The following NDUFA10 variants were observed in gnomAD, a reference collection of about 807,000 sequenced individuals.
The protein encoded by NDUFA10 is NADH:ubiquinone oxidoreductase subunit A10, also known as NADH dehydrogenase [ubiquinone] 1 alpha subcomplex subunit 10, mitochondrial.
A neutral mutation model predicts 47.8 loss-of-function variants in NDUFA10; 40 were observed. The ratio of observed to expected loss-of-function variants is 0.84; its 90% CI spans 0.65 to 1.09. NDUFA10 has a LOEUF of 1.09. Among genes scored for constraint, NDUFA10 ranks in the 50% least tolerant of loss-of-function variants. The pLI, the probability that NDUFA10 is intolerant of heterozygous loss-of-function variation, is 0.00. For missense variants in NDUFA10, 413 were observed against 451.1 expected (o/e 0.92, Z 0.76); for synonymous variants, 183 against 172.2 (o/e 1.06, Z -0.49).
At chr2:239,942,324 G>A (rs1694372784) in intron 4 of NDUFA10, among the ~76,000 whole-genome samples, 1 of 152,220 alleles carries the variant, frequency 6.6e-6, no homozygotes, top group African/African-American at 2.4e-5. Flanking sequence ...GAGCCAGCAG[G>A]CCTGGGTGCA....
chr2:239,970,336 T>A (rs1695258805), intron 9 of NDUFA10, among the ~76,000 whole-genome samples: 1 of 152,184 alleles, frequency 6.6e-6, no homozygotes, highest in Non-Finnish European at 1.5e-5. Flanking sequence ...GAACTATATA[T>A]TTTCAGAAAA....
At chr2:239,919,694 A>G (rs997784327) in intron 4 of NDUFA10, among the ~76,000 whole-genome samples, 5 of 152,234 alleles carry the variant, frequency 3.3e-5, no homozygotes, top group African/African-American at 9.7e-5. Flanking sequence ...TCACATTCTC[A>G]GAAAACCTGA....
In NDUFA10 at chr2:239,942,124, T is replaced by C. The variant is rs10185925; in HGVS notation, c.295-46810A>G. 7.7e-3 allele frequency among the ~76,000 whole-genome samples: 1,172 copies of C among 152,370 alleles called. 16 individuals are homozygous for C. Among genetic ancestry groups the C allele is most frequent in the African/African-American group, 0.027 (1,125 of 41,588 alleles). ...TGATTCTTTTGCCGGACTGCCTTTG[T>C]CCACCTTCCTATAAATTAGTTTTAC... is the stretch of plus-strand genomic sequence containing the variant. On this transcript the variant is annotated intron_variant, in intron 4 of 5. Coordinates refer to the NDUFA10 transcript ENST00000419408.
At chr2:239,990,012 C>T in intron 9 of NDUFA10, 62 bp downstream of exon 9, 9 of 1,192,786 alleles carry the variant, frequency 7.5e-6, no homozygotes, top group Non-Finnish European at 7.5e-6. Context: ...GAAGTGACTG[C>T]ATTGTCCCCA....
chr2:239,896,528 C>T (rs762388011), intron 4 of NDUFA10, among the ~76,000 whole-genome samples: 1 of 152,198 alleles, frequency 6.6e-6, no homozygotes, highest in Non-Finnish European at 1.5e-5. Flanking sequence ...CTGCAACCAG[C>T]CAGTGGGGCC....
At chr2:240,025,151 G>T in intron 1 of NDUFA10, 76 bp downstream of exon 1, 1 of 1,182,348 alleles carries the variant, frequency 8.5e-7, no homozygotes, top group Non-Finnish European at 1.1e-6. Flanking sequence ...GGCCGGGGGA[G>T]ATGTGGAACT....
At chr2:239,934,030 T>C (rs990296586) in intron 4 of NDUFA10, among the ~76,000 whole-genome samples, 3 of 152,086 alleles carry the variant, frequency 2.0e-5, no homozygotes, top group African/African-American at 7.2e-5. Context: ...GATAATTTAT[T>C]AATTTTTGTA....
At chr2:239,984,225 T>C (rs1695908642) in intron 9 of NDUFA10, among the ~76,000 whole-genome samples, 1 of 111,580 alleles carries the variant, frequency 9.0e-6, no homozygotes, top group African/African-American at 3.6e-5. Context: ...AGAGTGACAA[T>C]CGGTTTCCAA....
In NDUFA10 at chr2:239,959,434, C is replaced by T; in HGVS notation, c.*1684G>A. On this transcript the variant is annotated 3_prime_UTR_variant, in exon 10 of 10. Coordinates refer to ENST00000252711, the MANE Select transcript of NDUFA10 (RefSeq NM_004544.4). ...AAGATGGCTTTCTTTTTCTTTCCTC[C>T]CCTCCACAATGGGTTTGTGAAGTGC... The T allele has an allele frequency of 1.0e-6, 1 of 985,430 alleles. No homozygotes were observed. Among genetic ancestry groups the T allele is most frequent in the Non-Finnish European group, 1.2e-6 (1 of 829,936 alleles). The allele number at this position is 985,430 out of a possible 1,614,324, so 61.0% of individuals were successfully genotyped here.
At chr2:239,973,199 CA>C (rs1695370519) in intron 9 of NDUFA10, among the ~76,000 whole-genome samples, 1 of 152,116 alleles carries the variant, frequency 6.6e-6, no homozygotes, top group South Asian at 2.1e-4. Flanking sequence ...CATTTACTTT[CA>C]AACTTAATTA....
At chr2:239,952,922 G>A (rs80176125), downstream of NDUFA10, among the ~76,000 whole-genome samples, 3,538 of 152,322 alleles carry the variant, frequency 0.023, 145 homozygotes, top group African/African-American at 0.081. Flanking sequence ...CTCTGTGGTG[G>A]GTGAGACCCT....
At chr2:239,961,217 G>A in intron 9 of NDUFA10, 31 bp from the exon 10 acceptor site, 1 of 1,614,038 alleles carries the variant, frequency 6.2e-7, no homozygotes. Context: ...GGTGCATTCT[G>A]TTTAACGTGA....
intron 6 of NDUFA10, among the ~76,000 whole-genome samples, chr2:240,009,624 G>T (rs1007289049): frequency 2.0e-5 from 3 of 152,208 alleles, no homozygotes; most frequent in African/African-American, 7.2e-5. Context: ...GCATCACCAT[G>T]TATCAGCACG....
At chr2:239,903,520 T>G (rs1195281690) in intron 4 of NDUFA10, among the ~76,000 whole-genome samples, 5 of 152,210 alleles carry the variant, frequency 3.3e-5, no homozygotes, top group Admixed American at 6.5e-5. Context: ...AAAGTCTGTT[T>G]TTCTATAAGG....
chr2:239,907,259 C>G (rs1693672420), intron 4 of NDUFA10, among the ~76,000 whole-genome samples: 1 of 152,172 alleles, frequency 6.6e-6, no homozygotes, highest in Non-Finnish European at 1.5e-5. Context: ...AAAATTAATT[C>G]AAGATGGATT....
chr2:239,941,424 C>T (rs943589027), intron 4 of NDUFA10, among the ~76,000 whole-genome samples: 2 of 152,056 alleles, frequency 1.3e-5, no homozygotes, highest in African/African-American at 2.4e-5. Context: ...GTTCCTTCCT[C>T]GACATCAAAA....
intron 9 of NDUFA10, among the ~76,000 whole-genome samples, chr2:239,986,274 G>A (rs1398094338): frequency 6.6e-6 from 1 of 152,210 alleles, no homozygotes; most frequent in African/African-American, 2.4e-5. Context: ...CTTCCTTCAA[G>A]TTCAAATGGA....
At chr2:239,992,731 CAGTT>C in intron 8 of NDUFA10, among the ~76,000 whole-genome samples, 1 of 152,154 alleles carries the variant, frequency 6.6e-6, no homozygotes, top group Non-Finnish European at 1.5e-5. Flanking sequence ...AGGCGCCAGT[CAGTT>C]AGGGATGTGG....
At chr2:240,021,515 C>G in intron 2 of NDUFA10, 103 bp from the exon 3 acceptor site, 1 of 1,033,540 alleles carries the variant, frequency 9.7e-7, no homozygotes, top group South Asian at 1.3e-5. Flanking sequence ...AATCTCACCG[C>G]CAGGGATGGA....
Sources: gnomAD v4.1 joint callset for allele counts (sites outside exome capture counted in the v4.1 genomes callset) on GRCh38, gnomAD v4.1.1 for gene constraint, MANE v1.5 for transcripts, NCBI Gene and HGNC (gene_info 2026-07-23, HGNC 2026-07-21) for gene names.